The following SLC44A5 variants were observed in gnomAD, a reference collection of about 807,000 sequenced individuals.
SLC44A5 encodes the protein solute carrier family 44 member 5, also known as choline transporter-like protein 5.
SLC44A5 carries 57 observed loss-of-function variants against 101.8 expected under a neutral mutation model. The observed-to-expected ratio is 0.56, with a 90% CI of 0.45 to 0.70. The LOEUF is 0.70. Among genes scored for constraint, SLC44A5 ranks in the 30% least tolerant of loss-of-function variants. The probability of loss-of-function intolerance (pLI) is 0.00; values close to 1 mark genes in which losing one functional copy is unlikely to be tolerated. For synonymous variants in SLC44A5, 281 were observed against 290.9 expected (o/e 0.97, Z 0.35); for missense variants, 737 against 853.1 (o/e 0.86, Z 1.70).
rs1282752292 is a variant in SLC44A5 at position 75,214,594 on chromosome 1, T to C, written c.1802+11A>G. On this transcript the variant is annotated intron_variant, in intron 20 of 23. Coordinates refer to ENST00000370859, the MANE Select transcript of SLC44A5 (RefSeq NM_001130058.2). ...CATTGTTAAATTACATTGTGCAGCC[T>C]GATTACTTACTTCAAAACATTTCTC... 7 of 1,609,204 alleles carry C rather than the reference T, an allele frequency of 4.3e-6. No homozygotes were observed. The South Asian group carries it at 6.6e-5, about 15-fold the overall frequency.
chr1:75,546,620 C>T (rs1056384301), intron 1 of SLC44A5, among the ~76,000 whole-genome samples: 4 of 152,110 alleles, frequency 2.6e-5, no homozygotes, highest in Admixed American at 6.5e-5. Context: ...CACCTACAGC[C>T]GACATTCTAT....
intron 2 of SLC44A5, among the ~76,000 whole-genome samples, chr1:75,495,229 G>A (rs1407863701): frequency 6.6e-6 from 1 of 152,182 alleles, no homozygotes; most frequent in African/African-American, 2.4e-5. Flanking sequence ...GCTGAGGCGG[G>A]TGGATCATGA....
At chr1:75,579,196 A>G (rs1321402393) in intron 1 of SLC44A5, among the ~76,000 whole-genome samples, 1 of 152,204 alleles carries the variant, frequency 6.6e-6, no homozygotes, top group Non-Finnish European at 1.5e-5. Flanking sequence ...ATCTGGGAAA[A>G]TGTGCCATTT....
intron 2 of SLC44A5, among the ~76,000 whole-genome samples, chr1:75,535,811 A>C (rs1417191534): frequency 6.6e-6 from 1 of 152,204 alleles, no homozygotes. Context: ...TCTGGAAAAG[A>C]GTACAAGTAC....
chr1:75,490,215 C>T (rs1668357806), intron 2 of SLC44A5, among the ~76,000 whole-genome samples: 1 of 152,008 alleles, frequency 6.6e-6, no homozygotes, highest in Non-Finnish European at 1.5e-5. Flanking sequence ...ATGAATAATG[C>T]ATTGGATATC....
intron 1 of SLC44A5, among the ~76,000 whole-genome samples, chr1:75,560,897 C>T (rs1401628782): frequency 6.6e-6 from 1 of 151,938 alleles, no homozygotes; most frequent in Non-Finnish European, 1.5e-5. Flanking sequence ...CAATAAATAC[C>T]AATAAATACA....
At chr1:75,247,363 G>A (rs1464566461) in intron 7 of SLC44A5, among the ~76,000 whole-genome samples, 1 of 152,116 alleles carries the variant, frequency 6.6e-6, no homozygotes. Flanking sequence ...GATAAAGTCA[G>A]AGATTAGGAA....
In SLC44A5 at chr1:75,489,620, A is replaced by T. The variant is rs142055188; in HGVS notation, c.13+51815T>A. ...GATGGAATGGCCTGCCTTTGTTAGC[A>T]CAGTGAGTCTCCATCATATCTTAGG... On this transcript the variant is annotated intron_variant, in intron 2 of 23. Transcript: ENST00000370859. Among the ~76,000 whole-genome samples, 881 of 152,352 alleles carry T rather than the reference A, an allele frequency of 5.8e-3. 3 individuals carry two copies. The highest frequency in any genetic ancestry group is 0.02 in the African/African-American group (845 of 41,586).
chr1:75,654,719 G>C, the SLC44A5 span, among the ~76,000 whole-genome samples: 423 of 152,240 alleles, frequency 2.8e-3, no homozygotes, highest in Middle Eastern at 0.014. Flanking sequence ...TCCATAGACA[G>C]CTGCCCCATA....
the SLC44A5 span, among the ~76,000 whole-genome samples, chr1:75,712,336 C>G: frequency 6.6e-6 from 1 of 152,184 alleles, no homozygotes; most frequent in African/African-American, 2.4e-5. Context: ...AGGTGACATA[C>G]CTCCTAAGGG....
At chr1:75,658,258 T>C in the SLC44A5 span, among the ~76,000 whole-genome samples, 1 of 151,774 alleles carries the variant, frequency 6.6e-6, no homozygotes, top group Admixed American at 6.6e-5. Context: ...ATTTTTTTTG[T>C]AGAGATGGGG....
At chr1:75,238,949 T>C (rs1008124592) in intron 9 of SLC44A5, among the ~76,000 whole-genome samples, 6 of 152,140 alleles carry the variant, frequency 3.9e-5, no homozygotes, top group African/African-American at 1.4e-4. Context: ...ATACCATTCA[T>C]GGTAAGCACA....
At chr1:75,261,924 C>A (rs1187466530) in intron 6 of SLC44A5, among the ~76,000 whole-genome samples, 1 of 152,036 alleles carries the variant, frequency 6.6e-6, no homozygotes, top group Admixed American at 6.6e-5. Flanking sequence ...GAAGAAAAGG[C>A]CTTCGACAAA....
chr1:75,478,432 C>T (rs995348262), intron 2 of SLC44A5, among the ~76,000 whole-genome samples: 1 of 152,188 alleles, frequency 6.6e-6, no homozygotes, highest in African/African-American at 2.4e-5. Context: ...GGACTAAATG[C>T]TCCAATGGAA....
intron 5 of SLC44A5, among the ~76,000 whole-genome samples, chr1:75,291,328 T>C (rs1192729985): frequency 6.6e-6 from 1 of 152,226 alleles, no homozygotes; most frequent in African/African-American, 2.4e-5. Context: ...AATAATTTCT[T>C]CGTTCATTCT....
At chr1:75,447,529 G>A (rs530434791) in intron 2 of SLC44A5, among the ~76,000 whole-genome samples, 1 of 152,194 alleles carries the variant, frequency 6.6e-6, no homozygotes, top group South Asian at 2.1e-4. Flanking sequence ...GCATTTGATG[G>A]CTGTTTTAAT....
chr1:75,394,647 C>G (rs765530254), intron 3 of SLC44A5, among the ~76,000 whole-genome samples: 19 of 152,116 alleles, frequency 1.2e-4, no homozygotes, highest in Non-Finnish European at 2.8e-4. Flanking sequence ...GAACACAAGG[C>G]TGTTGAAGAA....
chr1:75,340,412 A>G (rs1657788317), intron 3 of SLC44A5, among the ~76,000 whole-genome samples: 1 of 152,006 alleles, frequency 6.6e-6, no homozygotes, highest in East Asian at 1.9e-4. Flanking sequence ...AAGCACTCCC[A>G]CCTGTTCCTC....
chr1:75,349,562 A>G (rs1658491922), intron 3 of SLC44A5, among the ~76,000 whole-genome samples: 1 of 152,220 alleles, frequency 6.6e-6, no homozygotes, highest in African/African-American at 2.4e-5. Flanking sequence ...AGGCAAAACA[A>G]ATGAGAGTTT....
Sources: allele counts gnomAD v4.1 joint callset (sites outside exome capture counted in the v4.1 genomes callset), GRCh38; gene constraint gnomAD v4.1.1; transcripts MANE v1.5; gene names NCBI Gene and HGNC (gene_info 2026-07-23, HGNC 2026-07-21).